Variants in CRISPLD2 observed in about 807,000 individuals in gnomAD.
The protein encoded by CRISPLD2 is cysteine rich secretory protein LCCL domain containing 2.
In CRISPLD2, 47 loss-of-function variants were observed where a neutral mutation model predicts 71.1. The ratio of observed to expected loss-of-function variants is 0.66; its 90% CI spans 0.52 to 0.84. The LOEUF (loss-of-function observed/expected upper bound fraction) is 0.84, where lower values mean the gene tolerates loss of function less well. Among genes scored for constraint, CRISPLD2 ranks in the 40% least tolerant of loss-of-function variants. The probability of loss-of-function intolerance (pLI) is 0.00; values close to 1 mark genes in which losing one functional copy is unlikely to be tolerated. For missense variants in CRISPLD2, 830 were observed against 651.1 expected (o/e 1.27, Z -2.99); for synonymous variants, 317 against 250.1 (o/e 1.27, Z -2.52).
At chr16:84,836,915 T>A (rs1916635089) in intron 1 of CRISPLD2, among the ~76,000 whole-genome samples, 1 of 152,150 alleles carries the variant, frequency 6.6e-6, no homozygotes, top group South Asian at 2.1e-4. Context: ...AGCTGCTTCT[T>A]CCGGCCCTCG....
rs1346852793 is a variant in CRISPLD2 at position 84,838,734 on chromosome 16, T to C, written c.239T>C (p.Met80Thr). 1 of 1,612,194 alleles carries C rather than the reference T, an allele frequency of 6.2e-7. No individual in the cohort carries two copies. Among genetic ancestry groups the C allele is most frequent in the Non-Finnish European group, 8.5e-7 (1 of 1,179,720 alleles). ...CCTCAGGCCTCCAACATGGAGTACA[T>C]GGTGAGCGCCGGCTCCGGCCGCAGA... Reference protein sequence around the residue: ...VQPQASNMEYMTWDDELEKSA... With the variant: ...VQPQASNMEYTTWDDELEKSA... Residue 80 changes from methionine (M) to threonine (T), a missense_variant and splice_region_variant, in exon 2 of 15, where the codon ATG (methionine) becomes ACG (threonine). By Grantham distance (81) the Met-to-Thr change is moderately conservative. Transcript: ENST00000262424.
At chr16:84,864,981 C>T (rs1276685205) in intron 6 of CRISPLD2, among the ~76,000 whole-genome samples, 2 of 152,188 alleles carry the variant, frequency 1.3e-5, no homozygotes, top group Non-Finnish European at 1.5e-5. Flanking sequence ...AGTGAAGCAG[C>T]TATGGAGAAC....
At position 84,845,847 on chromosome 16, in the gene CRISPLD2, A is replaced by C; in HGVS notation, c.302A>C (p.His101Pro). 1 of 1,614,108 alleles carries C rather than the reference A, an allele frequency of 6.2e-7. No individual in the cohort carries two copies. Among genetic ancestry groups the C allele is most frequent in the Non-Finnish European group, 8.5e-7 (1 of 1,179,962 alleles). The change falls in exon 3 of 15, where the codon CAC becomes CCC. Residue 101 changes from histidine (H) to proline (P), a missense_variant. His to Pro is a moderately conservative substitution (Grantham distance 77, BLOSUM62 -2). Coordinates refer to ENST00000262424, the MANE Select transcript of CRISPLD2 (RefSeq NM_031476.4). The stretch of plus-strand genomic sequence containing the variant: ...TGGGCCAGTCAGTGCATCTGGGAGC[A>C]CGGGCCCACCAGTCTGCTGGTGTCC... Reference protein sequence around the residue: ...AAWASQCIWEHGPTSLLVSIG... With the variant: ...AAWASQCIWEPGPTSLLVSIG...
chr16:84,831,363 A>G (rs534422277), intron 1 of CRISPLD2, among the ~76,000 whole-genome samples: 1 of 152,294 alleles, frequency 6.6e-6, no homozygotes, highest in East Asian at 1.9e-4. Context: ...TTTCAAATTC[A>G]GTAGAGGGTC....
rs370515303 is a variant in CRISPLD2 at position 84,891,104 on chromosome 16, A to C, written c.1439+1741A>C. ...TCTTTAAAGATCTGCAAATACAGTC[A>C]CATTCTGAGGTGCACTTGAGGGTTA... On this transcript the variant is annotated intron_variant, in intron 14 of 14. Transcript: ENST00000262424. Among the ~76,000 whole-genome samples the C allele has an allele frequency of 1.3e-4, 20 of 152,332 alleles. 1 individual carries two copies. Among genetic ancestry groups the C allele is most frequent in the African/African-American group, 4.8e-4 (20 of 41,578 alleles).
chr16:84,892,239 T>A (rs2641667), intron 14 of CRISPLD2, among the ~76,000 whole-genome samples: 1 of 152,032 alleles, frequency 6.6e-6, no homozygotes, highest in Admixed American at 6.5e-5. Context: ...CCCACCCAGC[T>A]CTGCTGAATC....
intron 13 of CRISPLD2, among the ~76,000 whole-genome samples, chr16:84,882,969 A>G (rs1438093589): frequency 6.6e-6 from 1 of 152,184 alleles, no homozygotes; most frequent in Non-Finnish European, 1.5e-5. Flanking sequence ...GCGTGAGGGG[A>G]AAAAGCTATG....
chr16:84,903,746 T>C (rs1268076347), intron 14 of CRISPLD2, among the ~76,000 whole-genome samples: 1 of 152,202 alleles, frequency 6.6e-6, no homozygotes, highest in Non-Finnish European at 1.5e-5. Context: ...GGAAATCTTA[T>C]TCCCAAAAGC....
At chr16:84,851,475 AG>A (rs1372873597) in intron 5 of CRISPLD2, among the ~76,000 whole-genome samples, 1 of 152,250 alleles carries the variant, frequency 6.6e-6, no homozygotes, top group East Asian at 1.9e-4. Context: ...ATGTTTGCTC[AG>A]TGACTGAATG....
chr16:84,899,547 G>A (rs1378415303), intron 14 of CRISPLD2, among the ~76,000 whole-genome samples: 2 of 152,190 alleles, frequency 1.3e-5, no homozygotes, highest in South Asian at 4.1e-4. Context: ...AAACCTGCGG[G>A]AATTTTTACC....
At chr16:84,882,967 G>A (rs1211817745) in intron 13 of CRISPLD2, among the ~76,000 whole-genome samples, 1 of 152,134 alleles carries the variant, frequency 6.6e-6, no homozygotes, top group Non-Finnish European at 1.5e-5. Context: ...AGGCGTGAGG[G>A]GAAAAAGCTA....
chr16:84,824,146 C>T (rs916357939), intron 1 of CRISPLD2, among the ~76,000 whole-genome samples: 9 of 152,068 alleles, frequency 5.9e-5, no homozygotes, highest in African/African-American at 7.2e-5. Context: ...GGCGAGGGTG[C>T]CCCAGGCAGA....
At chr16:84,840,598 CT>C (rs1916743418) in intron 2 of CRISPLD2, among the ~76,000 whole-genome samples, 1 of 152,172 alleles carries the variant, frequency 6.6e-6, no homozygotes, top group Admixed American at 6.5e-5. Flanking sequence ...CCTCTGGCTC[CT>C]GGGTTCAAGC....
intron 14 of CRISPLD2, among the ~76,000 whole-genome samples, chr16:84,905,538 A>G (rs967671508): frequency 1.3e-5 from 2 of 151,324 alleles, no homozygotes; most frequent in Non-Finnish European, 2.9e-5. Context: ...AGCTGGGATT[A>G]CAGGTGCACA....
chr16:84,847,627 G>A (rs77545546), intron 3 of CRISPLD2, among the ~76,000 whole-genome samples: 1 of 151,574 alleles, frequency 6.6e-6, no homozygotes, highest in Non-Finnish European at 1.5e-5. Context: ...CTCCAGCCTG[G>A]GTGACAGTGC....
chr16:84,885,462 C>T (rs181534836), intron 13 of CRISPLD2, among the ~76,000 whole-genome samples: 4 of 152,308 alleles, frequency 2.6e-5, no homozygotes, highest in Admixed American at 2.6e-4. Flanking sequence ...CGGCCATCCC[C>T]GGTTTGCCTA....
chr16:84,897,289 C>CAA (rs369389521), intron 14 of CRISPLD2, among the ~76,000 whole-genome samples: 20,910 of 100,360 alleles, frequency 0.21, 1,706 homozygotes, highest in South Asian at 0.26. Context: ...ACTAAAAATA[C>CAA]AAAAAAAAAA....
chr16:84,897,481 A>G (rs1233561218), intron 14 of CRISPLD2, among the ~76,000 whole-genome samples: 2 of 152,140 alleles, frequency 1.3e-5, no homozygotes, highest in African/African-American at 2.4e-5. Context: ...CCTCAACAAT[A>G]TAGTGAAAAT....
intron 4 of CRISPLD2, 144 bp from the exon 5 acceptor site, chr16:84,850,424 C>T (rs1043118024): frequency 1.5e-6 from 1 of 646,498 alleles, no homozygotes; most frequent in African/African-American, 1.8e-5. Flanking sequence ...TATGTATCTT[C>T]AATGGGTTAG....
Sources: allele counts gnomAD v4.1 joint callset (sites outside exome capture counted in the v4.1 genomes callset), GRCh38; gene constraint gnomAD v4.1.1; transcripts MANE v1.5; gene names NCBI Gene and HGNC (gene_info 2026-07-23, HGNC 2026-07-21).